Variants in ADCY9 observed in about 807,000 individuals in gnomAD.
ADCY9 encodes the protein adenylate cyclase type 9.
ADCY9 carries 50 observed loss-of-function variants against 101.5 expected under a neutral mutation model. That is an observed-to-expected ratio of 0.49 (90% CI 0.39 to 0.62). The LOEUF is 0.62. Among genes scored for constraint, ADCY9 ranks in the 20% least tolerant of loss-of-function variants. The pLI is 0.00. For synonymous variants in ADCY9, 905 were observed against 769.3 expected, an observed-to-expected ratio of 1.18 and a Z score of -2.92; for missense variants, 1,662 against 1,800.4, an observed-to-expected ratio of 0.92 and a Z score of 1.39.
intron 2 of ADCY9, 149 bp downstream of exon 2, chr16:4,113,601 A>C: frequency 9.3e-7 from 1 of 1,079,382 alleles, no homozygotes; most frequent in African/African-American, 1.6e-5. Flanking sequence ...CGCTGAAAGA[A>C]AAGTCACACT....
intron 2 of ADCY9, among the ~76,000 whole-genome samples, chr16:4,029,238 A>G (rs917130544): frequency 6.6e-6 from 1 of 152,228 alleles, no homozygotes; most frequent in African/African-American, 2.4e-5. Context: ...CCTCAGAAGT[A>G]GAGAAATAGG....
At chr16:4,002,497 T>G (rs1033032047) in intron 3 of ADCY9, among the ~76,000 whole-genome samples, 4 of 152,172 alleles carry the variant, frequency 2.6e-5, no homozygotes, top group African/African-American at 9.7e-5. Context: ...CATCCCCGTA[T>G]GGGTAAATCT....
chr16:4,087,532 T>C (rs2056946552), intron 2 of ADCY9, among the ~76,000 whole-genome samples: 1 of 115,926 alleles, frequency 8.6e-6, no homozygotes, highest in East Asian at 2.7e-4. Flanking sequence ...CGAGATTCCA[T>C]CTCAAAAAGA....
chr16:4,014,338 AAAG>A (rs556908047), intron 2 of ADCY9, among the ~76,000 whole-genome samples: 4 of 150,660 alleles, frequency 2.7e-5, no homozygotes, highest in African/African-American at 4.9e-5. Flanking sequence ...AAAAAAAAAA[AAAG>A]AAGTCCCAAA....
intron 2 of ADCY9, among the ~76,000 whole-genome samples, chr16:4,066,303 A>T (rs1051098046): frequency 3.9e-5 from 6 of 152,164 alleles, no homozygotes; most frequent in Non-Finnish European, 7.3e-5. Flanking sequence ...TCTCATTTTG[A>T]TATGCCACTT....
chr16:3,999,512 T>A (rs996414668), intron 3 of ADCY9, among the ~76,000 whole-genome samples: 1 of 151,800 alleles, frequency 6.6e-6, no homozygotes, highest in Non-Finnish European at 1.5e-5. Context: ...CACCTTGCTC[T>A]CCTGGGCCTT....
In ADCY9 at chr16:4,108,546, G is replaced by A. The variant is rs560225745; in HGVS notation, c.1693+5204C>T. ...CTGCGACCACACCCAGCCAATTTTT[G>A]CATTTTCAGTAGAGACAGGGTTTCA... On this transcript the variant is annotated intron_variant, in intron 2 of 10. Transcript: ENST00000294016. 2.5e-4 allele frequency among the ~76,000 whole-genome samples: 38 copies of A among 151,578 alleles called. No homozygotes were observed. In the East Asian group the frequency reaches 7.4e-3, roughly 29 times the overall value.
intron 10 of ADCY9, among the ~76,000 whole-genome samples, chr16:3,971,763 C>G (rs576777854): frequency 6.6e-6 from 1 of 151,866 alleles, no homozygotes; most frequent in East Asian, 1.9e-4. Flanking sequence ...GCAGGTGTCA[C>G]CAAGGTCTAA....
At chr16:4,016,035 T>C (rs993239813) in intron 2 of ADCY9, among the ~76,000 whole-genome samples, 1 of 151,846 alleles carries the variant, frequency 6.6e-6, no homozygotes, top group Non-Finnish European at 1.5e-5. Context: ...ACAGGGCTGT[T>C]GTGAGGATTA....
intron 2 of ADCY9, among the ~76,000 whole-genome samples, chr16:4,099,877 C>T (rs546855332): frequency 2.2e-4 from 34 of 152,200 alleles, no homozygotes; most frequent in Non-Finnish European, 3.8e-4. Context: ...CATGGCAAGA[C>T]CCTGTCTCTC....
At chr16:4,021,308 C>T (rs1227614179) in intron 2 of ADCY9, among the ~76,000 whole-genome samples, 1 of 152,212 alleles carries the variant, frequency 6.6e-6, no homozygotes, top group Non-Finnish European at 1.5e-5. Context: ...CAAGGCCACG[C>T]CGGCAGCAGG....
chr16:4,041,506 CAAAAA>C (rs55669348), intron 2 of ADCY9, among the ~76,000 whole-genome samples: 7 of 94,588 alleles, frequency 7.4e-5, no homozygotes, highest in Admixed American at 6.1e-4. Context: ...GTATTAAAAC[CAAAAA>C]AAAAAAAAAA....
intron 3 of ADCY9, 91 bp downstream of exon 3, chr16:4,007,277 C>T: frequency 1.7e-6 from 2 of 1,192,814 alleles, no homozygotes; most frequent in Non-Finnish European, 2.2e-6. Context: ...TTGTTTGCCT[C>T]AGACCTGGAG....
At chr16:4,084,497 G>C (rs1437259001) in intron 2 of ADCY9, among the ~76,000 whole-genome samples, 1 of 152,054 alleles carries the variant, frequency 6.6e-6, no homozygotes, top group Non-Finnish European at 1.5e-5. Context: ...AGGCCAAGGT[G>C]GGGGTATTGC....
At chr16:4,032,296 AAAAG>A (rs1166933174) in intron 2 of ADCY9, among the ~76,000 whole-genome samples, 3 of 151,748 alleles carry the variant, frequency 2.0e-5, no homozygotes, top group Admixed American at 6.6e-5. Flanking sequence ...CTCAAAAAAA[AAAAG>A]AAAGAACGAA....
chr16:4,039,174 CACT>C (rs2056610059), intron 2 of ADCY9, among the ~76,000 whole-genome samples: 1 of 152,164 alleles, frequency 6.6e-6, no homozygotes, highest in South Asian at 2.1e-4. Context: ...CAAAGTCTTT[CACT>C]ACCAGGCCCC....
At chr16:4,016,983 G>T (rs12446889) in intron 2 of ADCY9, among the ~76,000 whole-genome samples, 144,805 of 152,216 alleles carry the variant, frequency 0.95, 69,272 homozygotes, top group East Asian at 1. Context: ...TGAATTATAC[G>T]TCAATAAAGC....
intron 2 of ADCY9, among the ~76,000 whole-genome samples, chr16:4,022,466 G>C (rs1028815005): frequency 8.0e-5 from 11 of 137,734 alleles, no homozygotes; most frequent in African/African-American, 3.0e-4. Flanking sequence ...ACTCCAGCCT[G>C]GGCACCAGAG....
rs1028429513 is a variant in ADCY9, at chr16:4,115,681, G to T, written c.-44+9C>A. 5.7e-6 allele frequency: 3 copies of T among 530,944 alleles called. No homozygotes were observed. Among genetic ancestry groups the T allele is most frequent in the Non-Finnish European group, 6.5e-6 (2 of 307,900 alleles). The allele number at this position is 530,944 out of a possible 1,614,324, so 32.9% of individuals were successfully genotyped here. ...CCTTCGAGGCGCACGAGAACCGCTC[G>T]GGACGGACCTAGAACGCCCGGGGGT... On this transcript the variant is annotated intron_variant, in intron 1 of 10. Transcript: ENST00000294016. This position sits in a 1 kb window ranked among gnomAD's most constrained non-coding sequence, Gnocchi z 6.2.
Sources: allele counts gnomAD v4.1 joint callset (sites outside exome capture counted in the v4.1 genomes callset), GRCh38; gene constraint gnomAD v4.1.1; non-coding constraint Gnocchi (gnomAD v3.1); transcripts MANE v1.5; gene names NCBI Gene and HGNC (gene_info 2026-07-23, HGNC 2026-07-21).